Variants in NSD2 observed in about 807,000 individuals in gnomAD.
The protein encoded by NSD2 is nuclear receptor binding SET domain protein 2.
A neutral mutation model predicts 139.0 loss-of-function variants in NSD2; 12 were observed. That is an observed-to-expected ratio of 0.09 (90% CI 0.06 to 0.14). NSD2 has a LOEUF of 0.14. NSD2 is among the 10% of genes least tolerant of loss of function. The pLI is 1.00. For missense variants in NSD2, 1,155 were observed against 1,745.0 expected, an observed-to-expected ratio of 0.66 and a Z score of 6.02; for synonymous variants, 669 against 648.7, an observed-to-expected ratio of 1.03 and a Z score of -0.48.
At chr4:1,941,000 A>G (rs1723037565) in intron 9 of NSD2, 1 of 1,058,530 alleles carries the variant, frequency 9.4e-7, no homozygotes, top group Non-Finnish European at 1.1e-6. Flanking sequence ...GCTGCTTTAC[A>G]GTTTGATACG....
intron 21 of NSD2, among the ~76,000 whole-genome samples, chr4:1,977,819 A>C (rs143198454): frequency 9.4e-5 from 14 of 149,078 alleles, no homozygotes; most frequent in African/African-American, 3.2e-4. Context: ...ACAAACAAAA[A>C]ACAAAACTAT....
intron 1 of NSD2, among the ~76,000 whole-genome samples, chr4:1,884,403 C>CT (rs781616657): frequency 1.8e-4 from 26 of 142,880 alleles, no homozygotes; most frequent in African/African-American, 3.9e-4. Flanking sequence ...CCCTTTTGTT[C>CT]TTTTTTTTGA....
chr4:1,978,548 C>CCTGA, intron 21 of NSD2, 90 bp from the exon 22 acceptor site: 4 of 1,515,080 alleles, frequency 2.6e-6, no homozygotes, highest in Non-Finnish European at 3.6e-6. Context: ...GTTCATTTGA[C>CCTGA]CTGACAGTTG....
At chr4:1,871,697 G>C (rs1347930443) in intron 1 of NSD2, among the ~76,000 whole-genome samples, 155 bp downstream of exon 1, 2 of 148,854 alleles carry the variant, frequency 1.3e-5, no homozygotes, top group East Asian at 3.9e-4. Flanking sequence ...GAGGAGGCCT[G>C]AGGGGCCGGC....
chr4:1,943,021 T>G (rs940211872), intron 9 of NSD2: 3 of 1,050,616 alleles, frequency 2.9e-6, no homozygotes, highest in Non-Finnish European at 3.4e-6. Flanking sequence ...TTTAACCCTT[T>G]TGATCCAAGG....
intron 9 of NSD2, chr4:1,943,064 T>C (rs376358486): frequency 9.5e-7 from 1 of 1,050,260 alleles, no homozygotes; most frequent in Admixed American, 5.5e-5. Context: ...AATCAGGTTA[T>C]GTACACCAAC....
intron 1 of NSD2, among the ~76,000 whole-genome samples, chr4:1,881,313 A>G (rs974673948): frequency 6.6e-6 from 1 of 152,108 alleles, no homozygotes; most frequent in East Asian, 1.9e-4. Flanking sequence ...CACAGGCTGG[A>G]GTGCAGTGGC....
chr4:1,902,443 C>G (rs548670762), intron 2 of NSD2, among the ~76,000 whole-genome samples: 56 of 152,040 alleles, frequency 3.7e-4, no homozygotes, highest in Non-Finnish European at 6.9e-4. Context: ...AGGCTGGTCT[C>G]AAACCCCTGG....
Position 1,952,089 on chromosome 4 carries a change from G to A in NSD2, c.2014-19G>A, listed in dbSNP as rs150979205. On this transcript the variant is annotated intron_variant, in intron 10 of 21. Transcript: ENST00000508803. ...AGGGACTGCCGGGCGCTGCTTACCC[G>A]CCTGCTCTGCCCCCGCAGCTGTGTG... 3.4e-4 allele frequency: 541 copies of A among 1,612,668 alleles called. 3 individuals are homozygous for A. In the African/African-American group the frequency reaches 4.8e-3, roughly 14 times the overall value.
rs1726962744 is a variant in NSD2, at chr4:1,975,352, C to T, written c.3573C>T (p.Cys1191=). ...LDCLGNEKTV[C]RCGASNCSGF... ...GTCTGGGCAATGAAAAAACGGTCTG[C>T]CGGTGTGGAGCCTCCAATTGCAGTG... The change falls in exon 20 of 22, where the codon TGC becomes TGT. Residue 1191 remains cysteine (C), a synonymous_variant. Coordinates refer to ENST00000508803, the MANE Select transcript of NSD2 (RefSeq NM_001042424.3). The T allele has an allele frequency of 5.1e-5, 82 of 1,614,022 alleles. No homozygotes were observed. Among genetic ancestry groups the T allele is most frequent in the Non-Finnish European group, 6.9e-5 (82 of 1,180,034 alleles).
At chr4:1,933,061 C>T (rs929286468) in intron 6 of NSD2, among the ~76,000 whole-genome samples, 1 of 152,224 alleles carries the variant, frequency 6.6e-6, no homozygotes, top group Non-Finnish European at 1.5e-5. Flanking sequence ...CCCCAGACTG[C>T]CTTTGCACCA....
chr4:1,947,953 A>T, intron 9 of NSD2: 1 of 1,056,814 alleles, frequency 9.5e-7, no homozygotes, highest in Non-Finnish European at 1.1e-6. Flanking sequence ...GGTCACCCTG[A>T]AGGGCCACGT....
intron 7 of NSD2, among the ~76,000 whole-genome samples, 160 bp downstream of exon 7, chr4:1,935,422 C>T (rs374514589): frequency 3.9e-5 from 6 of 152,202 alleles, no homozygotes; most frequent in East Asian, 3.8e-4. Flanking sequence ...TCTTACAGAA[C>T]CCCATTGAGA....
At chr4:1,939,472 T>C (rs1234992115) in intron 8 of NSD2, 182 bp from the exon 9 acceptor site, 3 of 676,302 alleles carry the variant, frequency 4.4e-6, no homozygotes, top group Non-Finnish European at 4.9e-6. Context: ...TGGGGTTCAT[T>C]GTACAGTTTG....
intron 6 of NSD2, among the ~76,000 whole-genome samples, chr4:1,931,347 A>C (rs993280220): frequency 6.6e-6 from 1 of 152,176 alleles, no homozygotes; most frequent in African/African-American, 2.4e-5. Context: ...GGCTTAAAAA[A>C]ACCAAAAGTG....
intron 10 of NSD2, 60 bp downstream of exon 10, chr4:1,951,263 C>CA: frequency 6.2e-7 from 1 of 1,606,844 alleles, no homozygotes; most frequent in Non-Finnish European, 8.5e-7. Flanking sequence ...CCCCGGTACG[C>CA]AGAGCGAATT....
chr4:1,931,933 C>A (rs930920127), intron 6 of NSD2, among the ~76,000 whole-genome samples: 4 of 152,180 alleles, frequency 2.6e-5, no homozygotes, highest in Admixed American at 2.6e-4. Context: ...ATTCAGCTTA[C>A]CCTCGAAGTG....
Position 1,951,124 on chromosome 4 carries a change from A to G in NSD2, c.1934A>G (p.Asp645Gly). The change falls in exon 10 of 22, where the codon GAC becomes GGC. Residue 645 changes from aspartate to glycine, a missense_variant. Asp to Gly is a moderately conservative substitution (Grantham distance 94). This residue lies in a region of NSD2 where 420 missense variants were observed against 469.0 expected (regional missense o/e 0.90). Transcript: ENST00000508803. ...EPSESPYESA[D>G]ETQTEVSVSS... Reference sequence around the variant, plus strand: ...TCGGAGTCCCCATACGAAAGTGCAGACGAAACACAAACTGAAGTATCTGTC... The same window carrying G: ...TCGGAGTCCCCATACGAAAGTGCAGGCGAAACACAAACTGAAGTATCTGTC... 6.2e-7 allele frequency: 1 copy of G among 1,614,236 alleles called. No homozygotes were observed. The highest frequency in any genetic ancestry group is 8.5e-7 in the Non-Finnish European group (1 of 1,180,028).
At chr4:1,941,046 A>C (rs758313681) in intron 9 of NSD2, 1 of 1,056,784 alleles carries the variant, frequency 9.5e-7, no homozygotes, top group African/African-American at 1.6e-5. Flanking sequence ...GTTTGGACAC[A>C]CTGGAGAAAA....
Sources: allele counts gnomAD v4.1 joint callset (sites outside exome capture counted in the v4.1 genomes callset), GRCh38; gene constraint gnomAD v4.1.1; regional missense constraint gnomAD v4.1.1; transcripts MANE v1.5; gene names NCBI Gene and HGNC (gene_info 2026-07-23, HGNC 2026-07-21).